NCR1: variants seen among roughly 807,000 people sequenced by gnomAD.
The protein encoded by NCR1 is natural cytotoxicity triggering receptor 1.
In NCR1, 30 loss-of-function variants were observed where a neutral mutation model predicts 32.5. The observed-to-expected ratio is 0.92, with a 90% confidence interval of 0.69 to 1.25. The LOEUF is 1.25. NCR1 is among the 50% of genes most tolerant of loss of function. NCR1 has a pLI of 0.00. For synonymous variants in NCR1, 169 were observed against 143.4 expected, an observed-to-expected ratio of 1.18 and a Z score of -1.28; for missense variants, 369 against 380.7, an observed-to-expected ratio of 0.97 and a Z score of 0.26.
chr19:54,924,349 A>C, the NCR1 span, among the ~76,000 whole-genome samples: 1 of 152,230 alleles, frequency 6.6e-6, no homozygotes, highest in East Asian at 1.9e-4. Flanking sequence ...ATGGCCAGGC[A>C]CGGTGTCTCG....
At chr19:54,922,418 G>A in the NCR1 span, among the ~76,000 whole-genome samples, 1 of 152,102 alleles carries the variant, frequency 6.6e-6, no homozygotes, top group South Asian at 2.1e-4. Flanking sequence ...CGAGAGAAAC[G>A]GGGAGGCGAG....
At chr19:54,938,189 G>A in the NCR1 span, 18 of 1,613,964 alleles carry the variant, frequency 1.1e-5, no homozygotes, top group African/African-American at 4.0e-5. Flanking sequence ...GTCCAGAGGC[G>A]AAGAGAGCGA....
At chr19:54,928,654 T>C in the NCR1 span, among the ~76,000 whole-genome samples, 2 of 152,054 alleles carry the variant, frequency 1.3e-5, no homozygotes, top group African/African-American at 4.8e-5. Flanking sequence ...GGAAAGAAAC[T>C]GAAGGATGGT....
downstream of NCR1, among the ~76,000 whole-genome samples, chr19:54,916,556 C>A (rs182369939): frequency 1.3e-5 from 2 of 151,562 alleles, no homozygotes; most frequent in Non-Finnish European, 2.9e-5. Flanking sequence ...GTGATCCACC[C>A]GCCTTGGCCT....
chr19:54,930,883 C>G, the NCR1 span, among the ~76,000 whole-genome samples: 1 of 152,016 alleles, frequency 6.6e-6, no homozygotes, highest in Non-Finnish European at 1.5e-5. Context: ...TATAACCAGA[C>G]TTGGTGGTGC....
chr19:54,900,176 C>A, the NCR1 span, among the ~76,000 whole-genome samples: 2 of 152,086 alleles, frequency 1.3e-5, no homozygotes, highest in East Asian at 3.9e-4. Context: ...CGAGTTATGG[C>A]ACCAAATTTC....
At chr19:54,925,047 G>A in the NCR1 span, among the ~76,000 whole-genome samples, 1 of 152,164 alleles carries the variant, frequency 6.6e-6, no homozygotes, top group Non-Finnish European at 1.5e-5. Flanking sequence ...CGTGGCTGCA[G>A]CATGCAAGCC....
chr19:54,934,588 A>G, the NCR1 span: 4 of 1,614,026 alleles, frequency 2.5e-6, no homozygotes, highest in African/African-American at 4.0e-5. The surrounding 1 kb of genome is among the most constrained non-coding windows in gnomAD (Gnocchi z 6.7). Context: ...CAGGTGCTTC[A>G]GGGACTGGTT....
the NCR1 span, chr19:54,938,011 A>G: frequency 3.9e-6 from 6 of 1,536,890 alleles, no homozygotes; most frequent in Non-Finnish European, 5.4e-6. Context: ...GTCATCGTTC[A>G]GGGTCTTCCT....
chr19:54,918,707 C>T (rs1479228789), downstream of NCR1, among the ~76,000 whole-genome samples: 1 of 151,428 alleles, frequency 6.6e-6, no homozygotes, highest in Non-Finnish European at 1.5e-5. Context: ...GGCACGGTGG[C>T]GGTGGCTCAC....
At chr19:54,914,058 A>G (rs982380849), downstream of NCR1, among the ~76,000 whole-genome samples, 4 of 147,298 alleles carry the variant, frequency 2.7e-5, no homozygotes, top group African/African-American at 7.5e-5. Context: ...ACAGAGCAAG[A>G]TTCTGTCTCA....
chr19:54,935,424 A>G, the NCR1 span, among the ~76,000 whole-genome samples: 1 of 152,062 alleles, frequency 6.6e-6, no homozygotes, highest in South Asian at 2.1e-4. Flanking sequence ...GGCCAGGCGC[A>G]GTGGTTCATG....
chr19:54,898,657 A>G, the NCR1 span, among the ~76,000 whole-genome samples: 24 of 152,170 alleles, frequency 1.6e-4, no homozygotes, highest in Non-Finnish European at 2.4e-4. Context: ...CTTTTGACTT[A>G]GGGTCTAGGG....
the NCR1 span, among the ~76,000 whole-genome samples, chr19:54,932,112 G>A: frequency 6.6e-6 from 1 of 152,216 alleles, no homozygotes; most frequent in African/African-American, 2.4e-5. Flanking sequence ...TAACGATCAG[G>A]TAGGTGACTG....
the NCR1 span, among the ~76,000 whole-genome samples, chr19:54,899,587 G>A: frequency 6.6e-6 from 1 of 152,056 alleles, no homozygotes; most frequent in African/African-American, 2.4e-5. Flanking sequence ...AGAAATAAGG[G>A]ATCGGGGGAT....
chr19:54,930,714 G>A, the NCR1 span: 63 of 1,493,640 alleles, frequency 4.2e-5, no homozygotes, highest in South Asian at 4.4e-4. Flanking sequence ...TCTGGCTAAC[G>A]CCCTGTGAAG....
chr19:54,903,709 T>C (rs1393026963), upstream of NCR1, among the ~76,000 whole-genome samples: 5 of 147,906 alleles, frequency 3.4e-5, no homozygotes, highest in Non-Finnish European at 7.5e-5. Flanking sequence ...ATATAAAAGG[T>C]ATATATGTAT....
At chr19:54,903,895 C>A (rs150599034), upstream of NCR1, among the ~76,000 whole-genome samples, 2,694 of 151,272 alleles carry the variant, frequency 0.018, 29 homozygotes, top group South Asian at 0.041. Flanking sequence ...GAGGCCGAGG[C>A]AGGAAGATTC....
upstream of NCR1, among the ~76,000 whole-genome samples, chr19:54,903,302 G>GTGTATGTATATACA (rs1686865700): frequency 2.9e-5 from 4 of 140,316 alleles, 1 homozygote; most frequent in Admixed American, 2.2e-4. Flanking sequence ...ACACATATAC[G>GTGTATGTATATACA]TATATGTATA....
Sources: allele counts gnomAD v4.1 joint callset (sites outside exome capture counted in the v4.1 genomes callset), GRCh38; gene constraint gnomAD v4.1.1; non-coding constraint Gnocchi (gnomAD v3.1); transcripts MANE v1.5; gene names NCBI Gene and HGNC (gene_info 2026-07-23, HGNC 2026-07-21).